FILIP1: variants seen among roughly 807,000 people sequenced by gnomAD.
FILIP1 encodes the protein filamin-A-interacting protein 1.
A neutral mutation model predicts 102.1 loss-of-function variants in FILIP1; 61 were observed. The ratio of observed to expected loss-of-function variants is 0.60; its 90% CI spans 0.49 to 0.74. The LOEUF (loss-of-function observed/expected upper bound fraction) is 0.74. FILIP1 is among the 30% of genes least tolerant of loss of function. FILIP1 has a pLI of 0.00. For synonymous variants in FILIP1, 491 were observed against 526.9 expected (o/e 0.93, Z 0.93); for missense variants, 1,314 against 1,441.2 (o/e 0.91, Z 1.43).
At position 75,357,237 on chromosome 6, in the gene FILIP1, G is replaced by A. The variant is rs939987664; in HGVS notation, c.451-3520C>T. The A allele has an allele frequency of 2.6e-5, 4 of 152,310 alleles. No individual in the cohort carries two copies. The East Asian group carries it at 7.7e-4, about 29-fold the overall frequency. 9.4% of individuals were successfully genotyped at this position (152,310 alleles called of 1,614,324 possible). ...TGCAGTATCTCTCAATCCATGTAAG[G>A]AATTCTGGAGAGGAAGGTGGCAGCA... On this transcript the variant is annotated intron_variant, in intron 3 of 5. Transcript: ENST00000237172.
At chr6:75,397,227 T>G (rs1776492057) in intron 2 of FILIP1, among the ~76,000 whole-genome samples, 1 of 151,788 alleles carries the variant, frequency 6.6e-6, no homozygotes, top group Non-Finnish European at 1.5e-5. Context: ...GTACCCAACA[T>G]AAAGTACCTA....
At position 75,323,068 on chromosome 6, in the gene FILIP1, A is replaced by C. The variant is rs148137136; in HGVS notation, c.630-7866T>G. 8.8e-3 allele frequency among the ~76,000 whole-genome samples: 1,337 copies of C among 152,282 alleles called. 11 individuals are homozygous for C. Among genetic ancestry groups the C allele is most frequent in the African/African-American group, 0.022 (901 of 41,544 alleles). On this transcript the variant is annotated intron_variant, in intron 4 of 5. Coordinates refer to ENST00000237172, the MANE Select transcript of FILIP1 (RefSeq NM_015687.5). ...AAATTTAATTATTTTCAACTAGAAG[A>C]CTTTAAAAGTGTGGGCCCAGAAGTT...
chr6:75,383,828 C>T (rs182061644), intron 2 of FILIP1, among the ~76,000 whole-genome samples: 28 of 152,232 alleles, frequency 1.8e-4, no homozygotes, highest in Admixed American at 9.2e-4. Flanking sequence ...CAGTCATTTG[C>T]TCAGTCACAT....
intron 1 of FILIP1, among the ~76,000 whole-genome samples, chr6:75,420,027 AT>A (rs1174849878): frequency 1.3e-5 from 2 of 152,160 alleles, no homozygotes; most frequent in East Asian, 3.8e-4. Flanking sequence ...TACTTAAAGT[AT>A]TTTTTATCCT....
intron 2 of FILIP1, among the ~76,000 whole-genome samples, chr6:75,414,077 G>A (rs760885235): frequency 2.7e-5 from 4 of 148,324 alleles, no homozygotes; most frequent in Non-Finnish European, 5.9e-5. Context: ...CATTTTTATT[G>A]TGATCATACG....
In FILIP1 at chr6:75,434,856, C is replaced by G. The variant is rs1014801406; in HGVS notation, c.-6-19878G>C. Among the ~76,000 whole-genome samples the G allele has an allele frequency of 4.7e-4, 71 of 152,278 alleles. 1 individual carries two copies. The highest frequency in any genetic ancestry group is 1.5e-4 in the Non-Finnish European group (10 of 68,034). On this transcript the variant is annotated intron_variant, in intron 1 of 5. Coordinates refer to ENST00000237172, the MANE Select transcript of FILIP1 (RefSeq NM_015687.5). Reference sequence around the variant, plus strand: ...AAATAGCTCTTATTATTTTGAGATACGTCCCATCAATACCTAGTTTGTTGA... The same window carrying G: ...AAATAGCTCTTATTATTTTGAGATAGGTCCCATCAATACCTAGTTTGTTGA...
At chr6:75,425,331 T>C (rs1777593464) in intron 1 of FILIP1, among the ~76,000 whole-genome samples, 1 of 152,172 alleles carries the variant, frequency 6.6e-6, no homozygotes, top group Non-Finnish European at 1.5e-5. Context: ...GATGAACTAA[T>C]TAAGGTGCGC....
At chr6:75,298,887 C>T (rs1164550414) in intron 6 of FILIP1, among the ~76,000 whole-genome samples, 3 of 151,988 alleles carry the variant, frequency 2.0e-5, no homozygotes, top group Non-Finnish European at 4.4e-5. Flanking sequence ...CACTGCACTC[C>T]AGCCTAGGCA....
At chr6:75,467,069 AATT>A (rs1302105325) in intron 1 of FILIP1, among the ~76,000 whole-genome samples, 1 of 152,206 alleles carries the variant, frequency 6.6e-6, no homozygotes, top group Non-Finnish European at 1.5e-5. Flanking sequence ...CTTCTTTTAG[AATT>A]ATTGTTGTCA....
chr6:75,417,844 G>C (rs531101493), intron 1 of FILIP1, among the ~76,000 whole-genome samples: 1 of 152,216 alleles, frequency 6.6e-6, no homozygotes, highest in Non-Finnish European at 1.5e-5. Flanking sequence ...GGCTTTCCTC[G>C]AAGTTCTTAA....
intron 4 of FILIP1, among the ~76,000 whole-genome samples, chr6:75,348,852 C>T (rs1774684867): frequency 6.6e-6 from 1 of 152,198 alleles, no homozygotes; most frequent in Non-Finnish European, 1.5e-5. Flanking sequence ...TCTACCTTGA[C>T]ATTCTAGAGA....
intron 2 of FILIP1, among the ~76,000 whole-genome samples, chr6:75,365,198 A>G (rs1278197411): frequency 2.2e-5 from 3 of 134,138 alleles, no homozygotes; most frequent in Non-Finnish European, 4.8e-5. Flanking sequence ...CTTTGAAAAA[A>G]TAAATAAATA....
At chr6:75,346,978 A>G (rs762438945) in intron 4 of FILIP1, among the ~76,000 whole-genome samples, 7 of 144,304 alleles carry the variant, frequency 4.9e-5, no homozygotes, top group Non-Finnish European at 9.2e-5. Context: ...TCAGTGGGAT[A>G]CTGATATTAG....
intron 1 of FILIP1, among the ~76,000 whole-genome samples, chr6:75,428,661 T>C (rs1039387256): frequency 6.6e-6 from 1 of 152,152 alleles, no homozygotes; most frequent in Admixed American, 6.6e-5. Context: ...TTGTCTTAGT[T>C]GGATAAAAAT....
chr6:75,372,684 AGAGAAAGAAAGAGAAAGAAAGAAAGAAAG>A lies in FILIP1; in HGVS notation c.277-9796_277-9768del, dbSNP rs1775582240. Among the ~76,000 whole-genome samples, 26 of 31,454 alleles carry A rather than the reference AGAGAAAGAAAGAGAAAGAAAGAAAGAAAG, an allele frequency of 8.3e-4. 1 individual carries two copies. The highest frequency in any genetic ancestry group is 4.8e-3 in the African/African-American group (24 of 4,952). 20.6% of individuals were successfully genotyped at this position (31,454 alleles called of 152,430 possible). On this transcript the variant is annotated intron_variant, in intron 2 of 5. Coordinates refer to ENST00000237172, the MANE Select transcript of FILIP1 (RefSeq NM_015687.5). ...AAGAAAGAAAGAAAGAAAGAAAGAA[AGAGAAAGAAAGAGAAAGAAAGAAAGAAAG>A]GAAAGAAAGAGAAAGAGAAAGAAAG... is the stretch of plus-strand genomic sequence containing the variant.
intron 1 of FILIP1, among the ~76,000 whole-genome samples, chr6:75,487,461 G>C (rs1373886209): frequency 6.6e-6 from 1 of 152,050 alleles, no homozygotes; most frequent in Non-Finnish European, 1.5e-5. Flanking sequence ...AAGAGGCAAG[G>C]CCTAAAATGA....
intron 2 of FILIP1, among the ~76,000 whole-genome samples, chr6:75,410,377 C>T (rs1777022194): frequency 6.6e-6 from 1 of 151,654 alleles, no homozygotes. Flanking sequence ...TAGCACATAA[C>T]TTCCACATTT....
chr6:75,421,906 G>A (rs1777482024), intron 1 of FILIP1, among the ~76,000 whole-genome samples: 1 of 152,144 alleles, frequency 6.6e-6, no homozygotes, highest in Non-Finnish European at 1.5e-5. Flanking sequence ...TGTCTCATGA[G>A]TATTTCCTAA....
chr6:75,369,577 C>A (rs1442305350), intron 2 of FILIP1, among the ~76,000 whole-genome samples: 1 of 96,328 alleles, frequency 1.0e-5, no homozygotes, highest in African/African-American at 3.9e-5. Flanking sequence ...GCTTTTCTAT[C>A]TTTGAAAGAA....
Sources: allele counts gnomAD v4.1 joint callset (sites outside exome capture counted in the v4.1 genomes callset), GRCh38; gene constraint gnomAD v4.1.1; transcripts MANE v1.5; gene names NCBI Gene and HGNC (gene_info 2026-07-23, HGNC 2026-07-21).